DSCAML1: variants seen among roughly 807,000 people sequenced by gnomAD.
The protein encoded by DSCAML1 is DS cell adhesion molecule like 1, also known as cell adhesion molecule DSCAML1.
Under a neutral mutation model 200.5 loss-of-function variants are expected in DSCAML1, and 38 were observed. The ratio of observed to expected loss-of-function variants is 0.19; its 90% CI spans 0.15 to 0.25. The LOEUF (loss-of-function observed/expected upper bound fraction) is 0.25, where lower values mean the gene tolerates loss of function less well. DSCAML1 is among the 10% of genes least tolerant of loss of function. DSCAML1 has a pLI of 1.00. For missense variants in DSCAML1, 2,223 were observed against 2,858.8 expected (o/e 0.78, Z 5.07); for synonymous variants, 1,215 against 1,165.0 (o/e 1.04, Z -0.87).
chr11:117,662,149 G>C (rs531238727), intron 3 of DSCAML1, among the ~76,000 whole-genome samples: 1 of 152,252 alleles, frequency 6.6e-6, no homozygotes, highest in African/African-American at 2.4e-5. Flanking sequence ...AAAGGGAAGA[G>C]AGGGTTTGTC....
rs894299545 is a variant in DSCAML1, at chr11:117,461,459, C to T, written c.3403G>A (p.Val1135Ile). The T allele has an allele frequency of 2.4e-5, 39 of 1,614,098 alleles. No homozygotes were observed. The highest frequency in any genetic ancestry group is 3.3e-5 in the Admixed American group (2 of 60,008). Residue 1135 changes from valine (V) to isoleucine (I), a missense_variant, in exon 18 of 33, where the codon GTT becomes ATT. Val to Ile is a conservative substitution (Grantham distance 29). Coordinates refer to ENST00000651296, the MANE Select transcript of DSCAML1 (RefSeq NM_020693.4). Reference protein sequence around the residue: ...GYRVIFWSLYVDGEWGEMQNI... With the variant: ...GYRVIFWSLYIDGEWGEMQNI... ...GTCCCAGCAGACTCACCCCCATCAA[C>T]ATAGAGGGACCAGAAGATGACCCGA...
chr11:117,615,914 A>G (rs901837358), intron 3 of DSCAML1, among the ~76,000 whole-genome samples: 1 of 152,164 alleles, frequency 6.6e-6, no homozygotes, highest in Non-Finnish European at 1.5e-5. Flanking sequence ...GAACAGGGAC[A>G]TGAGGCTTCT....
At chr11:117,477,476 C>T (rs1275914434) in intron 14 of DSCAML1, among the ~76,000 whole-genome samples, 1 of 151,522 alleles carries the variant, frequency 6.6e-6, no homozygotes, top group Non-Finnish European at 1.5e-5. Context: ...CTTTTTCTTC[C>T]TCTACCACAT....
intron 1 of DSCAML1, among the ~76,000 whole-genome samples, chr11:117,786,629 G>A (rs1440202011): frequency 6.6e-6 from 1 of 152,136 alleles, no homozygotes; most frequent in African/African-American, 2.4e-5. Context: ...GGAGGAGCTG[G>A]CTGACTGAGG....
intron 3 of DSCAML1, among the ~76,000 whole-genome samples, chr11:117,533,215 C>T (rs2050111646): frequency 6.6e-6 from 1 of 152,186 alleles, no homozygotes; most frequent in East Asian, 1.9e-4. Flanking sequence ...TAGTTCTCAT[C>T]TTTCCTACCT....
chr11:117,696,566 T>C (rs889279649), intron 3 of DSCAML1, among the ~76,000 whole-genome samples: 2 of 152,150 alleles, frequency 1.3e-5, no homozygotes, highest in African/African-American at 4.8e-5. Context: ...CGCACTTCTC[T>C]TCCCTGCAGG....
intron 3 of DSCAML1, among the ~76,000 whole-genome samples, chr11:117,547,114 C>T (rs772899641): frequency 2.0e-4 from 31 of 152,220 alleles, no homozygotes; most frequent in Non-Finnish European, 4.3e-4. Context: ...AACAAGATGC[C>T]ATAATAACAG....
Position 117,652,126 on chromosome 11 carries a change from C to T in DSCAML1, c.512-119604G>A, listed in dbSNP as rs547458073. Among the ~76,000 whole-genome samples the T allele has an allele frequency of 7.9e-5, 12 of 152,332 alleles. No homozygotes were observed. The South Asian group carries it at 1.9e-3, about 24-fold the overall frequency. ...AACCCTTGGGCCACACTGGACTTAT[C>T]GAGATCCAGCTGTCCTGGATGCCTT... On this transcript the variant is annotated intron_variant, in intron 3 of 32. Transcript: ENST00000651296.
At chr11:117,429,482 CA>C (rs2047739131) in intron 32 of DSCAML1, among the ~76,000 whole-genome samples, 1 of 122,406 alleles carries the variant, frequency 8.2e-6, no homozygotes, top group East Asian at 2.0e-4. Flanking sequence ...CGGCTCACTG[CA>C]ACCTCCGCTT....
intron 3 of DSCAML1, among the ~76,000 whole-genome samples, chr11:117,667,403 G>A (rs550514950): frequency 2.2e-4 from 33 of 152,238 alleles, no homozygotes; most frequent in Non-Finnish European, 3.5e-4. Context: ...CAGAGACTCC[G>A]TCTCATAAAA....
At position 117,443,930 on chromosome 11, in the gene DSCAML1, C is replaced by T. The variant is rs772521283; in HGVS notation, c.3818G>A (p.Arg1273Gln). The T allele has an allele frequency of 5.0e-6, 8 of 1,612,676 alleles. No homozygotes were observed. Among genetic ancestry groups the T allele is most frequent in the African/African-American group, 2.7e-5 (2 of 74,908 alleles). ...GGTCACCTTCTCGCTGCTGTTGCCC[C>T]GGCCGGCAGAGGTGACGGCGGCCAC... ...LWVAAVTSAG[R>Q]GNSSEKVTIE... The change falls in exon 21 of 33, where the codon CGG (arginine) becomes CAG (glutamine). Residue 1273 changes from arginine to glutamine, a missense_variant. Arg to Gln is a conservative substitution (Grantham distance 43). This residue lies in a region of DSCAML1 where 614 missense variants were observed against 739.1 expected (regional missense o/e 0.83). Coordinates refer to ENST00000651296, the MANE Select transcript of DSCAML1 (RefSeq NM_020693.4).
At chr11:117,763,434 A>C (rs570087537) in intron 3 of DSCAML1, among the ~76,000 whole-genome samples, 1 of 151,888 alleles carries the variant, frequency 6.6e-6, no homozygotes, top group African/African-American at 2.4e-5. Context: ...CAGGAGGCTG[A>C]AGCCAGGGAT....
intron 1 of DSCAML1, among the ~76,000 whole-genome samples, chr11:117,789,187 G>A (rs749808775): frequency 2.0e-5 from 3 of 152,116 alleles, no homozygotes; most frequent in African/African-American, 4.8e-5. Flanking sequence ...AGAAACCTGC[G>A]AGGTCCAGTG....
chr11:117,459,079 G>A (rs938843382), intron 18 of DSCAML1, among the ~76,000 whole-genome samples, 170 bp from the exon 19 acceptor site: 8 of 152,206 alleles, frequency 5.3e-5, no homozygotes, highest in Non-Finnish European at 7.3e-5. Flanking sequence ...AGCAGATGCG[G>A]GCCACTGCCC....
intron 11 of DSCAML1, among the ~76,000 whole-genome samples, chr11:117,487,598 C>T (rs4938390): frequency 0.12 from 17,966 of 152,194 alleles, 1,190 homozygotes; most frequent in South Asian, 0.19. Context: ...TTTCTCAGCT[C>T]TCTAGGACTC....
At chr11:117,676,750 C>T (rs1242477925) in intron 3 of DSCAML1, among the ~76,000 whole-genome samples, 1 of 152,206 alleles carries the variant, frequency 6.6e-6, no homozygotes, top group Non-Finnish European at 1.5e-5. Flanking sequence ...GTGGCAGGGC[C>T]GCACTCTGCT....
intron 21 of DSCAML1, among the ~76,000 whole-genome samples, chr11:117,441,711 G>A (rs2048053179): frequency 6.6e-6 from 1 of 152,114 alleles, no homozygotes; most frequent in Admixed American, 6.5e-5. Flanking sequence ...AGGTTCAGGT[G>A]CATGGCGTGG....
At chr11:117,745,535 A>G (rs1424510237) in intron 3 of DSCAML1, among the ~76,000 whole-genome samples, 1 of 151,956 alleles carries the variant, frequency 6.6e-6, no homozygotes, top group African/African-American at 2.4e-5. Flanking sequence ...TCCTAGTCTC[A>G]CCGACCTACA....
At chr11:117,674,013 C>A (rs578140887) in intron 3 of DSCAML1, among the ~76,000 whole-genome samples, 18 of 152,214 alleles carry the variant, frequency 1.2e-4, no homozygotes, top group African/African-American at 4.3e-4. Context: ...CACCTTTTCT[C>A]GAGGCTCATT....
Sources: gnomAD v4.1 joint callset for allele counts (sites outside exome capture counted in the v4.1 genomes callset) on GRCh38, gnomAD v4.1.1 for gene constraint, gnomAD v4.1.1 regional missense constraint, MANE v1.5 for transcripts, NCBI Gene and HGNC (gene_info 2026-07-23, HGNC 2026-07-21) for gene names.